The following UFL1 variants were observed in gnomAD, a reference collection of about 807,000 sequenced individuals.
UFL1 encodes the protein UFM1 specific ligase 1.
Under a neutral mutation model 99.3 loss-of-function variants are expected in UFL1, and 78 were observed. The observed-to-expected ratio is 0.79, with a 90% CI of 0.65 to 0.95. UFL1 has a LOEUF of 0.95. Ranked by LOEUF, UFL1 falls within the 40% of genes least tolerant of loss-of-function variation. UFL1 has a pLI of 0.00. For synonymous variants in UFL1, 335 were observed against 322.2 expected, an observed-to-expected ratio of 1.04 and a Z score of -0.42; for missense variants, 936 against 937.0, an observed-to-expected ratio of 1.00 and a Z score of 0.01.
chr6:96,543,246 T>C (rs1769955315), intron 12 of UFL1, among the ~76,000 whole-genome samples: 1 of 151,172 alleles, frequency 6.6e-6, no homozygotes, highest in South Asian at 2.1e-4. Context: ...TAACTGAGTA[T>C]AGTATAAAGT....
chr6:96,534,988 G>C (rs999423970), intron 7 of UFL1, among the ~76,000 whole-genome samples: 1 of 151,782 alleles, frequency 6.6e-6, no homozygotes, highest in African/African-American at 2.4e-5. Context: ...ATTTTTGTTT[G>C]ACTGATTTAA....
In UFL1 at chr6:96,539,386, A is replaced by T. The variant is rs541971448; in HGVS notation, c.1158+576A>T. Among the ~76,000 whole-genome samples the T allele has an allele frequency of 9.2e-5, 14 of 151,748 alleles. No individual in the cohort carries two copies. In the South Asian group the frequency reaches 2.9e-3, roughly 31 times the overall value. ...TCATCTCCTTATAAAGCCTGCTCTC[A>T]AATAGGTAAAATAGGCCCATTTATT... On this transcript the variant is annotated intron_variant, in intron 10 of 18. Transcript: ENST00000369278.
At chr6:96,551,564 A>G (rs1294874893) in intron 16 of UFL1, 51 bp downstream of exon 16, 2 of 1,252,548 alleles carry the variant, frequency 1.6e-6, no homozygotes, top group African/African-American at 3.2e-5. Context: ...GTTTGTTACA[A>G]AGATCTTTGA....
At chr6:96,535,500 A>G (rs1769840608) in intron 7 of UFL1, among the ~76,000 whole-genome samples, 1 of 152,040 alleles carries the variant, frequency 6.6e-6, no homozygotes, top group Non-Finnish European at 1.5e-5. Context: ...TTGAGTCTTT[A>G]TTATATGCCA....
intron 1 of UFL1, 92 bp downstream of exon 1, chr6:96,522,042 C>G: frequency 7.4e-7 from 1 of 1,358,112 alleles, no homozygotes; most frequent in Non-Finnish European, 1.0e-6. Context: ...GCCCTGCATC[C>G]CGGGTCTTCT....
In UFL1 at chr6:96,552,602, C is replaced by G; in HGVS notation, c.2106C>G (p.Leu702=). 1 of 1,612,738 alleles carries G rather than the reference C, an allele frequency of 6.2e-7. No homozygotes were observed. The highest frequency in any genetic ancestry group is 8.5e-7 in the Non-Finnish European group (1 of 1,179,532). The change falls in exon 18 of 19, where the codon CTC becomes CTG. Residue 702 remains leucine (L), a synonymous_variant. Coordinates refer to ENST00000369278, the MANE Select transcript of UFL1 (RefSeq NM_015323.5). ...TTCAGTTTTCAACCCACAGCATGCT[C>G]CATGCACCTGGAAGATGTGTCCCAC... ...LLFQFSTHSM[L]HAPGRCVPQI... is the part of the protein sequence containing the mutation.
chr6:96,552,374 A>G (rs1236813927), intron 17 of UFL1, 108 bp from the exon 18 acceptor site: 3 of 1,238,644 alleles, frequency 2.4e-6, no homozygotes, highest in Non-Finnish European at 3.2e-6. Flanking sequence ...ATTTTTATGG[A>G]ATTAGATAAA....
In UFL1 at chr6:96,523,213, C is replaced by T. The variant is rs1230066687; in HGVS notation, c.145C>T (p.His49Tyr). 1 of 1,613,220 alleles carries T rather than the reference C, an allele frequency of 6.2e-7. No individual in the cohort carries two copies. The highest frequency in any genetic ancestry group is 8.5e-7 in the Non-Finnish European group (1 of 1,179,654). Reference sequence around the variant, plus strand: ...TGCTCAGAAACAGCTAGAAGTAGTTCATACACTCGATGGAAAGGAATATAT... The same window carrying T: ...TGCTCAGAAACAGCTAGAAGTAGTTTATACACTCGATGGAAAGGAATATAT... The part of the protein sequence containing the change: ...LIAQKQLEVV[H>Y]TLDGKEYITP... Residue 49 changes from histidine (H) to tyrosine (Y), a missense_variant, in exon 2 of 19, where the codon CAT (histidine) becomes TAT (tyrosine). Coordinates refer to ENST00000369278, the MANE Select transcript of UFL1 (RefSeq NM_015323.5).
intron 15 of UFL1, among the ~76,000 whole-genome samples, chr6:96,550,592 C>G (rs144186298): frequency 6.6e-6 from 1 of 152,054 alleles, no homozygotes; most frequent in East Asian, 1.9e-4. Flanking sequence ...TTTCATGTGA[C>G]TTCTCACAGT....
intron 5 of UFL1, among the ~76,000 whole-genome samples, chr6:96,527,903 G>A (rs948507865): frequency 6.6e-6 from 1 of 152,128 alleles, no homozygotes; most frequent in Non-Finnish European, 1.5e-5. Context: ...ACTTATTTCA[G>A]ATGTACCTGA....
chr6:96,527,479 G>A (rs548129793), intron 5 of UFL1, among the ~76,000 whole-genome samples: 31 of 151,986 alleles, frequency 2.0e-4, no homozygotes, highest in African/African-American at 2.4e-4. Flanking sequence ...TGGCCAAACC[G>A]TAATTGCATG....
intron 10 of UFL1, among the ~76,000 whole-genome samples, chr6:96,539,179 A>G (rs577594526): frequency 1.3e-4 from 19 of 151,764 alleles, no homozygotes; most frequent in African/African-American, 3.6e-4. Context: ...TATTTACTCA[A>G]TCTAGCAGAG....
chr6:96,522,346 C>T (rs1769627908), intron 1 of UFL1, among the ~76,000 whole-genome samples: 1 of 152,144 alleles, frequency 6.6e-6, no homozygotes, highest in Non-Finnish European at 1.5e-5. Flanking sequence ...GGCTAACCCC[C>T]GCCCCCAGTA....
intron 6 of UFL1, among the ~76,000 whole-genome samples, chr6:96,531,095 T>G (rs1769776578): frequency 6.6e-6 from 1 of 152,188 alleles, no homozygotes; most frequent in Non-Finnish European, 1.5e-5. Context: ...TGCACGCTCT[T>G]TATGAGAACC....
At chr6:96,537,301 T>C (rs1396545887) in intron 8 of UFL1, 73 bp from the exon 9 acceptor site, 3 of 1,366,978 alleles carry the variant, frequency 2.2e-6, no homozygotes, top group Non-Finnish European at 9.8e-7. Context: ...GCTATAACTT[T>C]TAAGTCTTTA....
Position 96,552,630 on chromosome 6 carries a change from A to T in UFL1, c.2134A>T (p.Ile712Phe). 6.2e-7 allele frequency: 1 copy of T among 1,603,538 alleles called. No homozygotes were observed. Among genetic ancestry groups the T allele is most frequent in the Non-Finnish European group, 8.5e-7 (1 of 1,177,224 alleles). ...TGCACCTGGAAGATGTGTCCCACAGATCATTGCTTTTCTTAATAGTAAAAT... is the reference window on the plus strand; with the variant it reads ...TGCACCTGGAAGATGTGTCCCACAGTTCATTGCTTTTCTTAATAGTAAAAT... ...LHAPGRCVPQ[I>F]IAFLNSKIPE... The change falls in exon 18 of 19, where the codon ATC (isoleucine) becomes TTC (phenylalanine). Residue 712 changes from isoleucine (I) to phenylalanine (F), a missense_variant. Ile to Phe is a conservative substitution (Grantham distance 21). Transcript: ENST00000369278.
intron 4 of UFL1, among the ~76,000 whole-genome samples, chr6:96,525,745 T>C (rs1769690605): frequency 6.6e-6 from 1 of 152,070 alleles, no homozygotes; most frequent in Non-Finnish European, 1.5e-5. Context: ...AAACTTCTAT[T>C]TTTTTCTTAA....
chr6:96,554,699 T>C lies in UFL1; in HGVS notation c.*1196T>C, dbSNP rs1248663222. ...GAATACGAAAAGATCAGTCTACCTC[T>C]ACTCCATTCTAGACAAAGTATTAAT... On this transcript the variant is annotated 3_prime_UTR_variant, in exon 19 of 19. Transcript: ENST00000369278. 1 of 152,368 alleles carries C rather than the reference T, an allele frequency of 6.6e-6. No individual in the cohort carries two copies. The highest frequency in any genetic ancestry group is 2.4e-5 in the African/African-American group (1 of 41,446). The allele number at this position is 152,368 out of a possible 1,614,324, so 9.4% of individuals were successfully genotyped here. A position where few individuals can be genotyped will look rare whatever the true frequency, so the allele number is the denominator to read the frequency against.
At chr6:96,532,785 T>G (rs902001731) in intron 6 of UFL1, among the ~76,000 whole-genome samples, 6 of 152,174 alleles carry the variant, frequency 3.9e-5, no homozygotes, top group African/African-American at 1.4e-4. Flanking sequence ...AAACCTTTTT[T>G]CTTTGTAAAT....
Sources: allele counts gnomAD v4.1 joint callset (sites outside exome capture counted in the v4.1 genomes callset), GRCh38; gene constraint gnomAD v4.1.1; transcripts MANE v1.5; gene names NCBI Gene and HGNC (gene_info 2026-07-23, HGNC 2026-07-21).